Variants in MYRF observed in about 807,000 individuals in gnomAD.
MYRF encodes myelin regulatory factor.
In MYRF, 16 loss-of-function variants were observed where a neutral mutation model predicts 126.3. That is an observed-to-expected ratio of 0.13 (90% CI 0.09 to 0.19). MYRF has a LOEUF of 0.19. MYRF is among the 10% of genes least tolerant of loss of function. The pLI, the probability that MYRF is intolerant of heterozygous loss-of-function variation, is 1.00. For missense variants in MYRF, 1,104 were observed against 1,547.0 expected, an observed-to-expected ratio of 0.71 and a Z score of 4.80; for synonymous variants, 608 against 635.3, an observed-to-expected ratio of 0.96 and a Z score of 0.65.
At chr11:61,765,839 G>A (rs1037929031) in intron 2 of MYRF, 119 bp from the exon 3 acceptor site, 7 of 1,424,140 alleles carry the variant, frequency 4.9e-6, no homozygotes, top group Middle Eastern at 2.4e-4. Context: ...GCTGCTCCTC[G>A]TCCCTTCCCA....
rs757884151 is a variant in MYRF, at chr11:61,777,491, C to T, written c.1791+27C>T. 2.7e-6 allele frequency: 3 copies of T among 1,124,212 alleles called. No individual in the cohort carries two copies. Among genetic ancestry groups the T allele is most frequent in the Non-Finnish European group, 2.4e-6 (2 of 834,778 alleles). The allele number at this position is 1,124,212 out of a possible 1,614,324, so 69.6% of individuals were successfully genotyped here. A position where few individuals can be genotyped will look rare whatever the true frequency, so the allele number is the denominator to read the frequency against. The stretch of plus-strand genomic sequence containing the variant: ...TGGGGACAGGGCTGTGGGGGCCGGG[C>T]GGGTCCAGACGCTGGAGCGGGCCGC... On this transcript the variant is annotated intron_variant, in intron 12 of 26. Coordinates refer to ENST00000278836, the MANE Select transcript of MYRF (RefSeq NM_001127392.3). This position sits in a 1 kb window ranked among gnomAD's most constrained non-coding sequence, Gnocchi z 8.8.
Position 61,783,442 on chromosome 11 carries a change from G to C in MYRF, c.3017-56G>C. 7.1e-7 allele frequency: 1 copy of C among 1,398,630 alleles called. No individual in the cohort carries two copies. 86.6% of individuals were successfully genotyped at this position (1,398,630 alleles called of 1,614,324 possible). ...GACTGCTTCAAGTCTGGCAAGGAAAGACTTGCCAGCTTCTCATTTGTGTCC... is the reference window on the plus strand; with the variant it reads ...GACTGCTTCAAGTCTGGCAAGGAAACACTTGCCAGCTTCTCATTTGTGTCC... On this transcript the variant is annotated intron_variant, in intron 22 of 26. Coordinates refer to ENST00000278836, the MANE Select transcript of MYRF (RefSeq NM_001127392.3). This position sits in a 1 kb window ranked among gnomAD's most constrained non-coding sequence, Gnocchi z 4.6.
In MYRF at chr11:61,778,605, G is replaced by A. The variant is rs2066451720; in HGVS notation, c.2013+116G>A. The A allele has an allele frequency of 6.4e-6, 5 of 777,446 alleles. No homozygotes were observed. The highest frequency in any genetic ancestry group is 2.6e-5 in the East Asian group (1 of 38,418). The allele number at this position is 777,446 out of a possible 1,614,324, so 48.2% of individuals were successfully genotyped here. On this transcript the variant is annotated intron_variant, in intron 14 of 26. Transcript: ENST00000278836. This position sits in a 1 kb window ranked among gnomAD's most constrained non-coding sequence, Gnocchi z 4.6. ...GCAAAGCAGAGGCAGGAGCACCCTC[G>A]GCTCTCATGCTGCCTCCAGAGCGCC...
intron 1 of MYRF, among the ~76,000 whole-genome samples, chr11:61,753,661 C>A (rs745759561): frequency 2.6e-5 from 4 of 151,818 alleles, no homozygotes; most frequent in Admixed American, 6.6e-5. Flanking sequence ...CCCACTTGAC[C>A]GAAAGGAGCC....
rs1240591710 is a variant in MYRF, at chr11:61,776,894, C to T, written c.1590+17C>T. ...ATTGTGCGGGTGAGGGCCACCTCCT[C>T]CCAGGGCGTAGACAGCCCTCCCCAG... On this transcript the variant is annotated intron_variant, in intron 11 of 26. Transcript: ENST00000278836. This position sits in a 1 kb window ranked among gnomAD's most constrained non-coding sequence, Gnocchi z 4.3. The T allele has an allele frequency of 6.3e-7, 1 of 1,582,456 alleles. No homozygotes were observed. Among genetic ancestry groups the T allele is most frequent in the Admixed American group, 1.8e-5 (1 of 54,806 alleles).
At chr11:61,764,186 G>A (rs967429226) in intron 1 of MYRF, among the ~76,000 whole-genome samples, 8 of 152,194 alleles carry the variant, frequency 5.3e-5, no homozygotes, top group African/African-American at 1.9e-4. Flanking sequence ...CTCCTAGGAG[G>A]GCTTAGCCGC....
chr11:61,780,450 G>A (rs1159692718), intron 18 of MYRF, among the ~76,000 whole-genome samples, 160 bp downstream of exon 18: 2 of 152,164 alleles, frequency 1.3e-5, no homozygotes, highest in African/African-American at 2.4e-5. Flanking sequence ...CTCCTTGGAG[G>A]GTGGGCAGCC....
At position 61,770,570 on chromosome 11, in the gene MYRF, C is replaced by A. The variant is rs2066191293; in HGVS notation, c.740+45C>A. 9 of 1,500,566 alleles carry A rather than the reference C, an allele frequency of 6.0e-6. No homozygotes were observed. In the East Asian group the frequency reaches 2.2e-4, roughly 37 times the overall value. The allele number at this position is 1,500,566 out of a possible 1,614,324, so 93.0% of individuals were successfully genotyped here. ...CTCCATGGGGTGGGAAGGTGGGGTA[C>A]AGGGACCAGGGTGGGCAGGGCGGCG... On this transcript the variant is annotated intron_variant, in intron 5 of 26. Transcript: ENST00000278836.
chr11:61,774,281 T>C, intron 8 of MYRF, 119 bp downstream of exon 8: 1 of 937,948 alleles, frequency 1.1e-6, no homozygotes, highest in Non-Finnish European at 1.5e-6. Context: ...TCCCAGCACT[T>C]TGGGAGTCAG....
intron 1 of MYRF, among the ~76,000 whole-genome samples, chr11:61,760,546 G>A (rs2065870259): frequency 6.6e-6 from 1 of 152,224 alleles, no homozygotes; most frequent in Admixed American, 6.5e-5. Context: ...TTAGGAGAAG[G>A]TGAGGATGTC....
chr11:61,776,597 G>A lies in MYRF; in HGVS notation c.1499+165G>A, dbSNP rs1362996582. 9.2e-5 allele frequency among the ~76,000 whole-genome samples: 14 copies of A among 152,252 alleles called. No homozygotes were observed. In the South Asian group the frequency reaches 2.7e-3, roughly 29 times the overall value. ...TGACTTAAGGATGGGAAGAGCAGAAGCCTGGCTTCTGGGTTGAGAAACAGC... is the reference window on the plus strand; with the variant it reads ...TGACTTAAGGATGGGAAGAGCAGAAACCTGGCTTCTGGGTTGAGAAACAGC... On this transcript the variant is annotated intron_variant, in intron 10 of 26. Transcript: ENST00000278836. The surrounding 1 kb of genome is among the most constrained non-coding windows in gnomAD (Gnocchi z 4.3).
intron 8 of MYRF, among the ~76,000 whole-genome samples, chr11:61,775,145 T>C (rs1239769960): frequency 6.6e-6 from 1 of 152,182 alleles, no homozygotes; most frequent in African/African-American, 2.4e-5. Context: ...CTTGTCGGAA[T>C]GTCCACAGCA....
intron 1 of MYRF, among the ~76,000 whole-genome samples, chr11:61,762,458 A>G (rs977844908): frequency 2.0e-5 from 3 of 152,214 alleles, no homozygotes; most frequent in Non-Finnish European, 4.4e-5. Context: ...GAGGATCAGA[A>G]CGAGCCATAT....
intron 1 of MYRF, among the ~76,000 whole-genome samples, chr11:61,762,717 A>G (rs1358237316): frequency 6.6e-6 from 1 of 152,136 alleles, no homozygotes; most frequent in Non-Finnish European, 1.5e-5. Context: ...CGGCGTGGGA[A>G]AGAGACGACG....
At chr11:61,767,901 T>G (rs182971830) in intron 3 of MYRF, among the ~76,000 whole-genome samples, 56 of 151,152 alleles carry the variant, frequency 3.7e-4, no homozygotes, top group African/African-American at 1.3e-3. Flanking sequence ...GCAGATCACT[T>G]GAGGCCTGGA....
In MYRF at chr11:61,778,439, A is replaced by G; in HGVS notation, c.1963A>G (p.Met655Val). Residue 655 changes from methionine (M) to valine (V), a missense_variant, in exon 14 of 27, where the codon ATG becomes GTG. By Grantham distance (21) the Met-to-Val change is conservative (BLOSUM62 1). Coordinates refer to ENST00000278836, the MANE Select transcript of MYRF (RefSeq NM_001127392.3). This position sits in a 1 kb window ranked among gnomAD's most constrained non-coding sequence, Gnocchi z 4.6. ...TGAGGCTGTGAAAGACACCGGAGAC[A>G]TGGTCTTTGCCAATGGGAAAACCAT... Reference protein sequence around the residue: ...LPEAVKDTGDMVFANGKTIEN... With the variant: ...LPEAVKDTGDVVFANGKTIEN... 2 of 1,614,118 alleles carry G rather than the reference A, an allele frequency of 1.2e-6. No individual in the cohort carries two copies. Among genetic ancestry groups the G allele is most frequent in the Non-Finnish European group, 1.7e-6 (2 of 1,179,996 alleles).
At chr11:61,784,259 G>A in intron 24 of MYRF, 21 bp from the exon 25 acceptor site, 1 of 1,610,040 alleles carries the variant, frequency 6.2e-7, no homozygotes, top group Non-Finnish European at 8.5e-7. Flanking sequence ...TCATTTCTCT[G>A]CTAACTGGGC....
At chr11:61,763,837 C>G (rs373049847) in intron 1 of MYRF, among the ~76,000 whole-genome samples, 24 of 152,128 alleles carry the variant, frequency 1.6e-4, no homozygotes, top group African/African-American at 5.5e-4. Context: ...TGCACTCCAG[C>G]CTGGGAGACC....
At chr11:61,779,801 C>G in intron 16 of MYRF, 41 bp from the exon 17 acceptor site, 1 of 1,587,218 alleles carries the variant, frequency 6.3e-7, no homozygotes, top group Non-Finnish European at 8.6e-7. Flanking sequence ...CAGCCTCAGC[C>G]TGGCCCTCTT....
Sources: allele counts gnomAD v4.1 joint callset (sites outside exome capture counted in the v4.1 genomes callset), GRCh38; gene constraint gnomAD v4.1.1; non-coding constraint Gnocchi (gnomAD v3.1); transcripts MANE v1.5; gene names NCBI Gene and HGNC (gene_info 2026-07-23, HGNC 2026-07-21).